Variants in KIAA0319L observed in about 807,000 individuals in gnomAD.
KIAA0319L encodes the protein KIAA0319 like.
KIAA0319L carries 55 observed loss-of-function variants against 120.1 expected under a neutral mutation model. The observed-to-expected ratio is 0.46, with a 90% CI of 0.37 to 0.57. KIAA0319L has a LOEUF of 0.57. KIAA0319L is among the 20% of genes least tolerant of loss of function. The pLI is 0.00. For synonymous variants in KIAA0319L, 398 were observed against 471.9 expected, an observed-to-expected ratio of 0.84 and a Z score of 2.03; for missense variants, 1,049 against 1,255.3, an observed-to-expected ratio of 0.84 and a Z score of 2.48.
intron 2 of KIAA0319L, among the ~76,000 whole-genome samples, chr1:35,532,071 G>A (rs1646389384): frequency 6.6e-6 from 1 of 152,008 alleles, no homozygotes. Flanking sequence ...GACCAGCCTG[G>A]CCAACATGGT....
chr1:35,491,963 C>A lies in KIAA0319L; in HGVS notation c.667-12751G>T, dbSNP rs78763971. Among the ~76,000 whole-genome samples the A allele has an allele frequency of 0.013, 1,925 of 152,262 alleles. 87 individuals carry two copies. In the East Asian group the frequency reaches 0.17, roughly 14 times the overall value. On this transcript the variant is annotated intron_variant, in intron 3 of 20. Coordinates refer to ENST00000325722, the MANE Select transcript of KIAA0319L (RefSeq NM_024874.5). ...AACTCACTCAAGAAGAAAGAGACAG[C>A]CTACATAGCAATGTATCTATCACAT...
intron 19 of KIAA0319L, among the ~76,000 whole-genome samples, chr1:35,441,478 G>T: frequency 6.6e-6 from 1 of 152,104 alleles, no homozygotes; most frequent in Non-Finnish European, 1.5e-5. Flanking sequence ...AGTTGGTAAT[G>T]GTGGTTGTCT....
At chr1:35,440,831 C>T (rs992616463) in intron 20 of KIAA0319L, 8 of 567,226 alleles carry the variant, frequency 1.4e-5, no homozygotes, top group Non-Finnish European at 2.5e-5. Flanking sequence ...CCAGCACCCC[C>T]GCCAAGCGGA....
rs780596907 is a variant in KIAA0319L, at chr1:35,442,250, TACA to T, written c.2863_2865del (p.Cys955del). 6.2e-6 allele frequency: 10 copies of T among 1,610,186 alleles called. No homozygotes were observed. The highest frequency in any genetic ancestry group is 1.6e-4 in the Middle Eastern group (1 of 6,070). On this transcript the variant is annotated inframe_deletion, in exon 19 of 21. Transcript: ENST00000325722. ...TCAAAGGAAAATCCATCTTACCTCT[TACA>T]ACAACAGATCACAGTCCAAGACAGG...
intron 3 of KIAA0319L, among the ~76,000 whole-genome samples, chr1:35,479,971 A>AC (rs1455202477): frequency 2.0e-5 from 3 of 150,100 alleles, no homozygotes; most frequent in South Asian, 2.1e-4. Context: ...AAAAAAAAAA[A>AC]ACACAAGCTA....
intron 2 of KIAA0319L, among the ~76,000 whole-genome samples, chr1:35,521,248 A>T (rs1242926830): frequency 6.6e-6 from 1 of 152,204 alleles, no homozygotes; most frequent in African/African-American, 2.4e-5. Flanking sequence ...TTGAGGCAAG[A>T]GAATCACTTG....
intron 2 of KIAA0319L, among the ~76,000 whole-genome samples, chr1:35,535,931 T>G (rs1017216017): frequency 6.6e-6 from 1 of 152,236 alleles, no homozygotes; most frequent in Non-Finnish European, 1.5e-5. Context: ...GGAGCTTTCT[T>G]GTTAATTTTA....
intron 9 of KIAA0319L, among the ~76,000 whole-genome samples, chr1:35,457,759 C>CT (rs1642587815): frequency 6.6e-6 from 1 of 152,200 alleles, no homozygotes; most frequent in Non-Finnish European, 1.5e-5. Flanking sequence ...ATCCTGCAGT[C>CT]TCACCTTTTA....
At chr1:35,456,306 A>C in intron 9 of KIAA0319L, 65 bp from the exon 10 acceptor site, 1 of 1,087,714 alleles carries the variant, frequency 9.2e-7, no homozygotes, top group Non-Finnish European at 1.3e-6. Flanking sequence ...AAACACTAGA[A>C]GACTGAAAAT....
At chr1:35,505,385 T>C (rs970034137) in intron 3 of KIAA0319L, among the ~76,000 whole-genome samples, 1 of 152,196 alleles carries the variant, frequency 6.6e-6, no homozygotes, top group Admixed American at 6.5e-5. Flanking sequence ...CTACACATCC[T>C]TCAAGAAATG....
chr1:35,460,156 G>A (rs537503634), intron 9 of KIAA0319L, 149 bp downstream of exon 9: 29 of 659,476 alleles, frequency 4.4e-5, no homozygotes, highest in African/African-American at 3.1e-4. Flanking sequence ...TCACCATAGG[G>A]CTCAGAGAAC....
chr1:35,523,715 C>T (rs1646016241), intron 2 of KIAA0319L, among the ~76,000 whole-genome samples: 1 of 152,282 alleles, frequency 6.6e-6, no homozygotes, highest in African/African-American at 2.4e-5. Context: ...AAGACATTAA[C>T]CCTACCTCCC....
At chr1:35,460,101 T>A (rs1402871985) in intron 9 of KIAA0319L, among the ~76,000 whole-genome samples, 1 of 152,196 alleles carries the variant, frequency 6.6e-6, no homozygotes, top group South Asian at 2.1e-4. Flanking sequence ...TGATCTACTA[T>A]ACAAGAACCT....
Position 35,434,684 on chromosome 1 carries a change from A to G in KIAA0319L, c.*210T>C, listed in dbSNP as rs1307008484. ...GTGAGGATATCTGGGGGCCCACCAG[A>G]CAGGTTTAAAGAGGAAACCTCTTCA... On this transcript the variant is annotated 3_prime_UTR_variant, in exon 21 of 21. Coordinates refer to ENST00000325722, the MANE Select transcript of KIAA0319L (RefSeq NM_024874.5). 2 of 529,442 alleles carry G rather than the reference A, an allele frequency of 3.8e-6. No individual in the cohort carries two copies. The highest frequency in any genetic ancestry group is 6.4e-5 in the East Asian group (2 of 31,084). The allele number at this position is 529,442 out of a possible 1,614,324, so 32.8% of individuals were successfully genotyped here.
intron 2 of KIAA0319L, among the ~76,000 whole-genome samples, chr1:35,531,278 C>T (rs563590721): frequency 6.6e-6 from 1 of 152,184 alleles, no homozygotes; most frequent in Non-Finnish European, 1.5e-5. Context: ...GAGCAGCCTC[C>T]CTGATACACT....
rs1642423931 is a variant in KIAA0319L at position 35,456,018 on chromosome 1, T to C, written c.1651A>G (p.Met551Val). The change falls in exon 10 of 21, where the codon ATG (methionine) becomes GTG (valine). Residue 551 changes from methionine (M) to valine (V), a missense_variant. Coordinates refer to ENST00000325722, the MANE Select transcript of KIAA0319L (RefSeq NM_024874.5). ...SPSSKGKVVE[M>V]QGVRTPTLQL... ...TAGGAACCATTCCCTCCTACCTGCATCTCCACCACTTTCCCTTTGCTGCTT... is the reference window on the plus strand; with the variant it reads ...TAGGAACCATTCCCTCCTACCTGCACCTCCACCACTTTCCCTTTGCTGCTT... 2.5e-6 allele frequency: 4 copies of C among 1,611,056 alleles called. No homozygotes were observed. The highest frequency in any genetic ancestry group is 2.2e-5 in the East Asian group (1 of 44,830).
chr1:35,541,231 T>C (rs577131412), intron 2 of KIAA0319L, among the ~76,000 whole-genome samples: 1 of 151,764 alleles, frequency 6.6e-6, no homozygotes. Context: ...CATGAGCCAC[T>C]GCGCCTGGTC....
rs376088664 is a variant in KIAA0319L at position 35,435,047 on chromosome 1, G to A, written c.2997C>T (p.Ser999=). ...IKQKGLLLSS[S]LMHSESELDS... is the part of the protein sequence containing the mutation. ...CCAGCTCTGACTCGGAGTGCATCAG[G>A]CTGCTACTTAGCAAAAGGCCTTTCT... The change falls in exon 21 of 21, where the codon AGC becomes AGT. Residue 999 remains serine, a synonymous_variant. Transcript: ENST00000325722. The A allele has an allele frequency of 1.9e-6, 3 of 1,614,164 alleles. No individual in the cohort carries two copies. Among genetic ancestry groups the A allele is most frequent in the Non-Finnish European group, 2.5e-6 (3 of 1,180,012 alleles).
chr1:35,435,192 C>T, intron 20 of KIAA0319L, 111 bp from the exon 21 acceptor site: 1 of 956,642 alleles, frequency 1.0e-6, no homozygotes, highest in South Asian at 1.6e-5. Context: ...TCACAGGCTC[C>T]TCTCCAGGCT....
Sources: gnomAD v4.1 joint callset for allele counts (sites outside exome capture counted in the v4.1 genomes callset) on GRCh38, gnomAD v4.1.1 for gene constraint, MANE v1.5 for transcripts, NCBI Gene and HGNC (gene_info 2026-07-23, HGNC 2026-07-21) for gene names.